Variants in MTBP observed in about 807,000 individuals in gnomAD.
MTBP encodes mdm2-binding protein.
MTBP carries 101 observed loss-of-function variants against 117.0 expected under a neutral mutation model. That is an observed-to-expected ratio of 0.86 (90% CI 0.73 to 1.02). The LOEUF (loss-of-function observed/expected upper bound fraction) is 1.02. Among genes scored for constraint, MTBP ranks in the 50% least tolerant of loss-of-function variants. The probability of loss-of-function intolerance (pLI) is 0.00; values close to 1 mark genes in which losing one functional copy is unlikely to be tolerated. For missense variants in MTBP, 970 were observed against 1,030.9 expected, an observed-to-expected ratio of 0.94 and a Z score of 0.81; for synonymous variants, 350 against 351.5, an observed-to-expected ratio of 1.00 and a Z score of 0.05.
Position 120,459,344 on chromosome 8 carries a change from C to T in MTBP, c.877C>T (p.Pro293Ser). The T allele has an allele frequency of 6.2e-7, 1 of 1,601,470 alleles. No homozygotes were observed. Among genetic ancestry groups the T allele is most frequent in the Non-Finnish European group, 8.5e-7 (1 of 1,175,224 alleles). The part of the protein sequence containing the change: ...IIPSKDKNIL[P>S]KVFHYYGPAL... Reference sequence around the variant, plus strand: ...ACCATCAAAGGATAAGAATATTTTGCCAAAGGTAATCGTGTTTAATTTTTT... The same window carrying T: ...ACCATCAAAGGATAAGAATATTTTGTCAAAGGTAATCGTGTTTAATTTTTT... The change falls in exon 8 of 22, where the codon CCA (proline) becomes TCA (serine). Residue 293 changes from proline (P) to serine (S), a missense_variant. Transcript: ENST00000305949.
At chr8:120,446,557 C>A in intron 2 of MTBP, 44 bp downstream of exon 2, 1 of 1,166,908 alleles carries the variant, frequency 8.6e-7, no homozygotes, top group South Asian at 1.2e-5. Context: ...AGCATTTGTA[C>A]TGGAAATTAA....
rs138405834 is a variant in MTBP, at chr8:120,512,649, G to A, written c.1979+2620G>A. Reference sequence around the variant, plus strand: ...ATGAAATTCTGATTCACTGTAAAAAGTATTTCTCTTCTCCACTACCTACCT... The same window carrying A: ...ATGAAATTCTGATTCACTGTAAAAAATATTTCTCTTCTCCACTACCTACCT... On this transcript the variant is annotated intron_variant, in intron 17 of 21. Transcript: ENST00000305949. 1.1e-4 allele frequency among the ~76,000 whole-genome samples: 17 copies of A among 152,132 alleles called. No homozygotes were observed. The East Asian group carries it at 2.9e-3, about 26-fold the overall frequency.
At chr8:120,484,247 A>C (rs1814162089) in intron 11 of MTBP, among the ~76,000 whole-genome samples, 1 of 152,310 alleles carries the variant, frequency 6.6e-6, no homozygotes, top group African/African-American at 2.4e-5. Context: ...CTTAATTTCT[A>C]ATAAAACTGG....
chr8:120,445,478 G>C lies in MTBP; in HGVS notation c.8G>C (p.Arg3Pro), dbSNP rs527835339. The C allele has an allele frequency of 6.2e-7, 1 of 1,613,128 alleles. No individual in the cohort carries two copies. Among genetic ancestry groups the C allele is most frequent in the East Asian group, 2.2e-5 (1 of 44,830 alleles). The change falls in exon 1 of 22, where the codon CGG becomes CCG. Residue 3 changes from arginine (R) to proline (P), a missense_variant. Physicochemically the swap from Arg to Pro is moderately radical, Grantham distance 103 (BLOSUM62 -2). Transcript: ENST00000305949. Reference protein sequence around the residue: MDRYLLLVIWGEG... With the variant: MDPYLLLVIWGEG... ...GGGGTGATCTCTGAGGAGATGGATC[G>C]GTACCTGCTGCTGGTGATCTGGGGG...
rs1035146478 is a variant in MTBP at position 120,445,485 on chromosome 8, G to C, written c.15G>C (p.Leu5=). 4 of 1,613,400 alleles carry C rather than the reference G, an allele frequency of 2.5e-6. No homozygotes were observed. Among genetic ancestry groups the C allele is most frequent in the Non-Finnish European group, 3.4e-6 (4 of 1,179,776 alleles). Residue 5 remains leucine (L), a synonymous_variant, in exon 1 of 22, where the codon CTG becomes CTC. Transcript: ENST00000305949. ...TCTCTGAGGAGATGGATCGGTACCT[G>C]CTGCTGGTGATCTGGGGGGAAGGAA... MDRY[L]LLVIWGEGKF... is the part of the protein sequence containing the mutation.
chr8:120,493,183 T>G (rs1814381753), intron 13 of MTBP, among the ~76,000 whole-genome samples: 1 of 152,230 alleles, frequency 6.6e-6, no homozygotes, highest in Non-Finnish European at 1.5e-5. Flanking sequence ...ACTAGCTTTC[T>G]TAGGAAAATA....
intron 11 of MTBP, among the ~76,000 whole-genome samples, chr8:120,480,235 CAAAAA>C (rs33996388): frequency 1.5e-5 from 2 of 132,506 alleles, no homozygotes; most frequent in Non-Finnish European, 3.1e-5. Flanking sequence ...CCCGTCTCTA[CAAAAA>C]AAAAAAAACA....
chr8:120,468,409 G>GT (rs1278826428), intron 10 of MTBP, among the ~76,000 whole-genome samples: 1 of 151,950 alleles, frequency 6.6e-6, no homozygotes. Flanking sequence ...TGATAATTAA[G>GT]TTTTTTTATT....
rs565534018 is a variant in MTBP at position 120,461,546 on chromosome 8, C to T, written c.977+291C>T. 3.9e-5 allele frequency among the ~76,000 whole-genome samples: 6 copies of T among 152,092 alleles called. 1 individual carries two copies. Among genetic ancestry groups the T allele is most frequent in the African/African-American group, 1.4e-4 (6 of 41,492 alleles). On this transcript the variant is annotated intron_variant, in intron 9 of 21. Transcript: ENST00000305949. ...TGTTGAGACTTTTCTATGGATAGGGCTATGGAAATAATACAGAAGTGATTG... is the reference window on the plus strand; with the variant it reads ...TGTTGAGACTTTTCTATGGATAGGGTTATGGAAATAATACAGAAGTGATTG...
chr8:120,448,301 C>A (rs528075826), intron 2 of MTBP, among the ~76,000 whole-genome samples: 2 of 152,306 alleles, frequency 1.3e-5, no homozygotes, highest in Admixed American at 6.5e-5. Flanking sequence ...CTCATTTTCT[C>A]TGGGACATCT....
At chr8:120,496,057 T>TA (rs1405128288) in intron 13 of MTBP, among the ~76,000 whole-genome samples, 24 of 152,316 alleles carry the variant, frequency 1.6e-4, no homozygotes, top group Admixed American at 1.4e-3. Flanking sequence ...GATATGGCTT[T>TA]TTAGATCTAT....
chr8:120,482,241 C>T (rs537113056), intron 11 of MTBP, among the ~76,000 whole-genome samples: 68 of 152,250 alleles, frequency 4.5e-4, no homozygotes, highest in African/African-American at 1.4e-3. Context: ...ACTGAAGAAT[C>T]CTTTAGATGC....
intron 13 of MTBP, among the ~76,000 whole-genome samples, chr8:120,494,828 A>C (rs919022004): frequency 1.3e-5 from 2 of 151,882 alleles, no homozygotes; most frequent in Non-Finnish European, 2.9e-5. Context: ...AAATTTGCCT[A>C]CTCTTCTGTA....
chr8:120,513,088 C>T (rs1814846440), intron 17 of MTBP, among the ~76,000 whole-genome samples: 1 of 151,842 alleles, frequency 6.6e-6, no homozygotes, highest in African/African-American at 2.4e-5. Flanking sequence ...ACTTATTTAC[C>T]CTATCCTGGA....
chr8:120,477,085 A>G (rs1813958095), intron 11 of MTBP, among the ~76,000 whole-genome samples: 1 of 152,226 alleles, frequency 6.6e-6, no homozygotes, highest in African/African-American at 2.4e-5. Context: ...CAGAAGCCTC[A>G]GAAATAACGC....
chr8:120,449,862 G>A (rs1481212004), intron 2 of MTBP, among the ~76,000 whole-genome samples: 2 of 152,120 alleles, frequency 1.3e-5, no homozygotes, highest in African/African-American at 4.8e-5. Context: ...ACTTTGGTGA[G>A]TGTTCTTTCA....
intron 11 of MTBP, chr8:120,472,034 T>G (rs561965028): frequency 6.6e-6 from 1 of 152,334 alleles, no homozygotes; most frequent in East Asian, 1.9e-4. Context: ...GTGTGTTTTT[T>G]AAATTGAACA....
chr8:120,466,902 T>C (rs949600244), intron 10 of MTBP, among the ~76,000 whole-genome samples: 1 of 152,144 alleles, frequency 6.6e-6, no homozygotes, highest in Non-Finnish European at 1.5e-5. Context: ...TACCTTGGGT[T>C]TCATTTATTA....
intron 15 of MTBP, among the ~76,000 whole-genome samples, chr8:120,503,832 TC>T (rs1432844485): frequency 6.6e-6 from 1 of 152,096 alleles, no homozygotes; most frequent in East Asian, 1.9e-4. Flanking sequence ...GTGAAAAGCT[TC>T]CTATGATGCA....
Sources: gnomAD v4.1 joint callset for allele counts (sites outside exome capture counted in the v4.1 genomes callset) on GRCh38, gnomAD v4.1.1 for gene constraint, MANE v1.5 for transcripts, NCBI Gene and HGNC (gene_info 2026-07-23, HGNC 2026-07-21) for gene names.